Variants in TDRD3 observed in about 807,000 individuals in gnomAD.
The protein encoded by TDRD3 is tudor domain containing 3.
In TDRD3, 45 loss-of-function variants were observed where a neutral mutation model predicts 86.7. The observed-to-expected ratio is 0.52, with a 90% confidence interval of 0.41 to 0.67. TDRD3 has a LOEUF of 0.67. Ranked by LOEUF, TDRD3 falls within the 30% of genes least tolerant of loss-of-function variation. The probability of loss-of-function intolerance (pLI) is 0.00; values close to 1 mark genes in which losing one functional copy is unlikely to be tolerated. For synonymous variants in TDRD3, 298 were observed against 301.7 expected (o/e 0.99, Z 0.13); for missense variants, 814 against 889.0 (o/e 0.92, Z 1.07).
At position 60,485,794 on chromosome 13, in the gene TDRD3, A is replaced by G. The variant is rs1390934116; in HGVS notation, c.568-5A>G. On this transcript the variant is annotated splice_polypyrimidine_tract_variant and splice_region_variant and intron_variant, in intron 6 of 13. Transcript: ENST00000377881. ...AAGTTGACTTATTCTTACTTGTTTTACTAGAAGTGTGTATCTCATGTCCAA... is the reference window on the plus strand; with the variant it reads ...AAGTTGACTTATTCTTACTTGTTTTGCTAGAAGTGTGTATCTCATGTCCAA... 1.3e-6 allele frequency: 2 copies of G among 1,574,726 alleles called. No homozygotes were observed. The highest frequency in any genetic ancestry group is 1.9e-5 in the Admixed American group (1 of 53,380).
chr13:60,557,738 C>T (rs1958229977), intron 12 of TDRD3, among the ~76,000 whole-genome samples: 1 of 151,340 alleles, frequency 6.6e-6, no homozygotes, highest in Admixed American at 6.6e-5. Flanking sequence ...TCTCTCCTAC[C>T]ACTCCAAGTT....
At chr13:60,434,496 T>G (rs1955039426) in intron 1 of TDRD3, among the ~76,000 whole-genome samples, 1 of 151,660 alleles carries the variant, frequency 6.6e-6, no homozygotes, top group South Asian at 2.1e-4. Flanking sequence ...GAGCACTTAC[T>G]AAACTGCGGT....
chr13:60,542,301 A>G (rs1332533435), intron 12 of TDRD3, among the ~76,000 whole-genome samples: 2 of 152,198 alleles, frequency 1.3e-5, no homozygotes, highest in Non-Finnish European at 2.9e-5. Flanking sequence ...AAAGTAGTAA[A>G]ATAAGTGGAT....
At chr13:60,429,474 T>C (rs1954898337) in intron 1 of TDRD3, among the ~76,000 whole-genome samples, 1 of 152,184 alleles carries the variant, frequency 6.6e-6, no homozygotes, top group African/African-American at 2.4e-5. Context: ...TTCTTGACAT[T>C]ATTGTTTTAA....
chr13:60,459,626 T>G (rs1253098850), intron 3 of TDRD3, among the ~76,000 whole-genome samples: 1 of 152,194 alleles, frequency 6.6e-6, no homozygotes, highest in Admixed American at 6.5e-5. Context: ...AAACACTCTT[T>G]TGTTGTTGTG....
intron 7 of TDRD3, among the ~76,000 whole-genome samples, chr13:60,491,870 ATG>A (rs1403464581): frequency 6.6e-6 from 1 of 152,068 alleles, no homozygotes; most frequent in East Asian, 1.9e-4. Flanking sequence ...AGTGAGGAGA[ATG>A]TGTAAAATAG....
In TDRD3 at chr13:60,512,928, C is replaced by T. The variant is rs999298839; in HGVS notation, c.1141+2173C>T. On this transcript the variant is annotated intron_variant, in intron 10 of 13. Transcript: ENST00000377881. ...TGGTGGCCCTCTTCTTATAGCTCCA[C>T]TGAGCAGTGCCCAGTGGTGAACTCT... 2.6e-5 allele frequency among the ~76,000 whole-genome samples: 4 copies of T among 152,324 alleles called. No individual in the cohort carries two copies. In the East Asian group the frequency reaches 5.8e-4, roughly 22 times the overall value.
At chr13:60,540,541 C>T (rs571069192) in intron 12 of TDRD3, among the ~76,000 whole-genome samples, 5 of 152,122 alleles carry the variant, frequency 3.3e-5, no homozygotes, top group South Asian at 2.1e-4. Context: ...CCTTAAAATT[C>T]GTTCGTATCT....
intron 8 of TDRD3, among the ~76,000 whole-genome samples, chr13:60,501,558 C>T (rs1192621202): frequency 6.6e-6 from 1 of 152,232 alleles, no homozygotes; most frequent in Non-Finnish European, 1.5e-5. Flanking sequence ...ATGACTTACA[C>T]AGACCATCTA....
At chr13:60,419,683 G>T (rs369439757) in intron 1 of TDRD3, among the ~76,000 whole-genome samples, 1 of 152,018 alleles carries the variant, frequency 6.6e-6, no homozygotes, top group Non-Finnish European at 1.5e-5. Flanking sequence ...CCTAATGCAT[G>T]TGGGGCTTAA....
chr13:60,400,608 G>A (rs950276987), intron 1 of TDRD3, among the ~76,000 whole-genome samples: 29 of 152,056 alleles, frequency 1.9e-4, no homozygotes, highest in Admixed American at 1.1e-3. Flanking sequence ...GTGGTGGCAG[G>A]CCCCTGTAAT....
At chr13:60,527,807 T>G (rs1193782326) in intron 10 of TDRD3, among the ~76,000 whole-genome samples, 1 of 150,350 alleles carries the variant, frequency 6.7e-6, no homozygotes. Flanking sequence ...CCCTTTTGTA[T>G]AGTAGGATAT....
intron 5 of TDRD3, among the ~76,000 whole-genome samples, chr13:60,482,751 C>T (rs370016780): frequency 3.3e-5 from 5 of 151,786 alleles, no homozygotes; most frequent in Admixed American, 3.3e-4. Flanking sequence ...GCTTGACTGT[C>T]GTTACTCTTA....
At chr13:60,516,179 C>CTG (rs1300924531) in intron 10 of TDRD3, among the ~76,000 whole-genome samples, 2 of 152,154 alleles carry the variant, frequency 1.3e-5, no homozygotes, top group Non-Finnish European at 2.9e-5. Flanking sequence ...TTTGTATCAG[C>CTG]ATAAGCTGTC....
chr13:60,508,955 A>C (rs1479006763), intron 8 of TDRD3, among the ~76,000 whole-genome samples: 2 of 152,224 alleles, frequency 1.3e-5, no homozygotes, highest in Admixed American at 6.5e-5. Flanking sequence ...TAGCCCATGC[A>C]TTGGACTTAA....
intron 1 of TDRD3, among the ~76,000 whole-genome samples, chr13:60,415,776 A>T (rs1338485775): frequency 2.0e-5 from 3 of 152,184 alleles, no homozygotes; most frequent in Admixed American, 6.5e-5. Flanking sequence ...AATAAGAGCC[A>T]TGAAAAGATC....
chr13:60,489,353 G>T (rs1232883040), intron 7 of TDRD3, among the ~76,000 whole-genome samples: 3 of 152,162 alleles, frequency 2.0e-5, no homozygotes, highest in Non-Finnish European at 4.4e-5. Flanking sequence ...AACCTGTAAT[G>T]AAGCTTAGCT....
intron 1 of TDRD3, among the ~76,000 whole-genome samples, chr13:60,406,110 A>G (rs144565593): frequency 9.4e-4 from 143 of 152,278 alleles, no homozygotes; most frequent in African/African-American, 3.4e-3. Flanking sequence ...GGTCCCTTTA[A>G]GTCATCTAAA....
At chr13:60,497,796 C>T (rs1247942175) in intron 8 of TDRD3, among the ~76,000 whole-genome samples, 2 of 152,120 alleles carry the variant, frequency 1.3e-5, no homozygotes, top group African/African-American at 4.8e-5. Context: ...CTAGAAGAAA[C>T]AGCTTCCCCA....
Sources: gnomAD v4.1 joint callset for allele counts (sites outside exome capture counted in the v4.1 genomes callset) on GRCh38, gnomAD v4.1.1 for gene constraint, MANE v1.5 for transcripts, NCBI Gene and HGNC (gene_info 2026-07-23, HGNC 2026-07-21) for gene names.